KATNIP: variants seen among roughly 807,000 people sequenced by gnomAD.
The protein encoded by KATNIP is katanin interacting protein.
KATNIP carries 126 observed loss-of-function variants against 174.0 expected under a neutral mutation model. That is an observed-to-expected ratio of 0.72 (90% confidence interval 0.63 to 0.84). KATNIP has a LOEUF of 0.84. Among genes scored for constraint, KATNIP ranks in the 40% least tolerant of loss-of-function variants. The probability of loss-of-function intolerance (pLI) is 0.00; values close to 1 mark genes in which losing one functional copy is unlikely to be tolerated. For missense variants in KATNIP, 1,958 were observed against 2,109.7 expected (o/e 0.93, Z 1.41); for synonymous variants, 810 against 835.7 (o/e 0.97, Z 0.53).
intron 2 of KATNIP, among the ~76,000 whole-genome samples, chr16:27,603,249 C>A (rs2075590448): frequency 6.6e-6 from 1 of 152,212 alleles, no homozygotes. Flanking sequence ...TGAACTATGC[C>A]TAGATTTTAG....
chr16:27,554,244 C>T (rs2089516007), intron 1 of KATNIP, among the ~76,000 whole-genome samples: 1 of 152,148 alleles, frequency 6.6e-6, no homozygotes, highest in South Asian at 2.1e-4. Context: ...TGGGCGATCA[C>T]CTGAGGTCGG....
At chr16:27,716,132 C>G (rs771777925) in intron 13 of KATNIP, among the ~76,000 whole-genome samples, 2 of 152,150 alleles carry the variant, frequency 1.3e-5, no homozygotes, top group Non-Finnish European at 2.9e-5. Flanking sequence ...AAGGAAAGAA[C>G]TATTGCTACA....
intron 1 of KATNIP, among the ~76,000 whole-genome samples, chr16:27,568,423 G>C (rs963591309): frequency 6.6e-6 from 1 of 152,172 alleles, no homozygotes; most frequent in Non-Finnish European, 1.5e-5. Flanking sequence ...TTGTGCTTTT[G>C]AGGGATTACA....
intron 1 of KATNIP, among the ~76,000 whole-genome samples, chr16:27,558,298 A>G (rs1011369999): frequency 1.3e-5 from 2 of 152,060 alleles, no homozygotes; most frequent in African/African-American, 2.4e-5. Flanking sequence ...GGTGTGTGCC[A>G]CCACACCTGG....
At chr16:27,614,131 G>A (rs1413580710) in intron 2 of KATNIP, among the ~76,000 whole-genome samples, 5 of 151,058 alleles carry the variant, frequency 3.3e-5, no homozygotes, top group African/African-American at 4.9e-5. Context: ...AGGCTGGAGT[G>A]CAGTGGTGCT....
intron 14 of KATNIP, among the ~76,000 whole-genome samples, chr16:27,731,974 G>A (rs188353732): frequency 3.9e-5 from 6 of 152,316 alleles, no homozygotes; most frequent in Non-Finnish European, 8.8e-5. Flanking sequence ...AGGCCCTGCA[G>A]GAGGGCAGCC....
intron 14 of KATNIP, among the ~76,000 whole-genome samples, chr16:27,728,755 C>T (rs2080547051): frequency 6.6e-6 from 1 of 152,186 alleles, no homozygotes; most frequent in South Asian, 2.1e-4. Context: ...AAGAGAGCAG[C>T]CCCACAAGAA....
chr16:27,629,625 T>C (rs372072008), intron 4 of KATNIP, among the ~76,000 whole-genome samples: 23 of 152,258 alleles, frequency 1.5e-4, no homozygotes, highest in Admixed American at 8.5e-4. Context: ...CGGAAAATGA[T>C]TGGGCAGTTG....
chr16:27,601,653 G>A (rs368976725), intron 2 of KATNIP, among the ~76,000 whole-genome samples: 29 of 152,318 alleles, frequency 1.9e-4, no homozygotes, highest in African/African-American at 2.2e-4. Context: ...GGACCATGTG[G>A]CTATTAGGAT....
rs186875199 is a variant in KATNIP at position 27,740,176 on chromosome 16, G to A, written c.1879G>A (p.Glu627Lys). ...GGTTGACCAGAAGAACGAGAAGAGC[G>A]AGCAACTAGAGGAGGCCATGAACGC... is the stretch of plus-strand genomic sequence containing the variant. Reference protein sequence around the residue: ...ILVDQKNEKSEQLEEAMNAHS... With the variant: ...ILVDQKNEKSKQLEEAMNAHS... Residue 627 changes from glutamate to lysine, a missense_variant, in exon 15 of 28, where the codon GAG (glutamate) becomes AAG (lysine). By Grantham distance (56) the Glu-to-Lys change is moderately conservative (BLOSUM62 1). Transcript: ENST00000261588. The A allele has an allele frequency of 6.2e-4, 1,000 of 1,614,146 alleles. 3 individuals are homozygous for A. The highest frequency in any genetic ancestry group is 5.7e-3 in the East Asian group (256 of 44,866).
chr16:27,743,129 A>G (rs770089280), intron 15 of KATNIP, among the ~76,000 whole-genome samples: 8 of 152,168 alleles, frequency 5.3e-5, no homozygotes, highest in Non-Finnish European at 1.0e-4. Context: ...CTGTTTCTGC[A>G]TTAGTTTACT....
intron 1 of KATNIP, among the ~76,000 whole-genome samples, chr16:27,553,271 TTAAG>T (rs1282086235): frequency 6.6e-6 from 1 of 152,202 alleles, no homozygotes; most frequent in African/African-American, 2.4e-5. Flanking sequence ...AAAAAGGAGT[TTAAG>T]TATTAGGAAA....
intron 2 of KATNIP, among the ~76,000 whole-genome samples, chr16:27,596,417 A>G (rs549764984): frequency 1.3e-5 from 2 of 152,142 alleles, no homozygotes; most frequent in East Asian, 1.9e-4. Flanking sequence ...CTTTAGGGGG[A>G]ACATCAGGAA....
chr16:27,612,946 A>G (rs1267750126), intron 2 of KATNIP, among the ~76,000 whole-genome samples: 1 of 151,872 alleles, frequency 6.6e-6, no homozygotes, highest in Non-Finnish European at 1.5e-5. Context: ...CCTGTCTCAA[A>G]AAAAATAAAT....
At chr16:27,729,331 A>G (rs2143203712) in intron 14 of KATNIP, among the ~76,000 whole-genome samples, 1 of 152,250 alleles carries the variant, frequency 6.6e-6, no homozygotes, top group East Asian at 1.9e-4. Flanking sequence ...GCAGAAAGAG[A>G]CTGTCCTCGT....
intron 14 of KATNIP, 48 bp downstream of exon 14, chr16:27,721,743 C>CA (rs775485499): frequency 1.9e-6 from 3 of 1,592,382 alleles, no homozygotes; most frequent in Non-Finnish European, 2.6e-6. Flanking sequence ...TTGATGGAAG[C>CA]ACTTAGCAGT....
At chr16:27,717,866 G>A (rs984942121) in intron 13 of KATNIP, among the ~76,000 whole-genome samples, 12 of 152,054 alleles carry the variant, frequency 7.9e-5, no homozygotes, top group East Asian at 3.9e-4. Flanking sequence ...CCCAACTCCC[G>A]GGCCCCATTG....
intron 2 of KATNIP, among the ~76,000 whole-genome samples, chr16:27,598,427 G>A (rs2075408974): frequency 6.6e-6 from 1 of 152,116 alleles, no homozygotes; most frequent in South Asian, 2.1e-4. Flanking sequence ...CAGCTTCATA[G>A]CCCAGAGTTG....
intron 6 of KATNIP, among the ~76,000 whole-genome samples, chr16:27,657,157 A>G (rs905033052): frequency 6.6e-6 from 1 of 152,156 alleles, no homozygotes; most frequent in African/African-American, 2.4e-5. Context: ...CTGGAGACAC[A>G]TGCTGAAGTG....
Sources: gnomAD v4.1 joint callset for allele counts (sites outside exome capture counted in the v4.1 genomes callset) on GRCh38, gnomAD v4.1.1 for gene constraint, MANE v1.5 for transcripts, NCBI Gene and HGNC (gene_info 2026-07-23, HGNC 2026-07-21) for gene names.